The following ALDH8A1 variants were observed in gnomAD, a reference collection of about 807,000 sequenced individuals.
The protein encoded by ALDH8A1 is 2-aminomuconic semialdehyde dehydrogenase.
Under a neutral mutation model 43.3 loss-of-function variants are expected in ALDH8A1, and 39 were observed. The observed-to-expected ratio is 0.90, with a 90% confidence interval of 0.70 to 1.18. The LOEUF is 1.18. Ranked by LOEUF, ALDH8A1 falls within the 50% of genes most tolerant of loss-of-function variation. The pLI, the probability that ALDH8A1 is intolerant of heterozygous loss-of-function variation, is 0.00. For missense variants in ALDH8A1, 605 were observed against 622.6 expected, an observed-to-expected ratio of 0.97 and a Z score of 0.30; for synonymous variants, 233 against 243.5, an observed-to-expected ratio of 0.96 and a Z score of 0.40.
intron 3 of ALDH8A1, among the ~76,000 whole-genome samples, chr6:134,939,937 G>T (rs1773824096): frequency 6.6e-6 from 1 of 152,166 alleles, no homozygotes; most frequent in East Asian, 1.9e-4. Context: ...ATGGATGAAG[G>T]TGGAAGCCAT....
At chr6:134,946,524 T>G (rs931410602) in intron 1 of ALDH8A1, among the ~76,000 whole-genome samples, 2 of 152,244 alleles carry the variant, frequency 1.3e-5, no homozygotes, top group African/African-American at 4.8e-5. Context: ...TAGAAAGCAT[T>G]TACTATATGC....
chr6:134,943,681 G>T, intron 2 of ALDH8A1, 138 bp downstream of exon 2: 1 of 1,325,260 alleles, frequency 7.5e-7, no homozygotes. Context: ...CAGGCCTGGA[G>T]CAGGGGAGGG....
At chr6:134,933,078 A>G (rs750398372) in intron 4 of ALDH8A1, 46 bp from the exon 5 acceptor site, 2 of 1,494,978 alleles carry the variant, frequency 1.3e-6, no homozygotes, top group Non-Finnish European at 1.8e-6. Context: ...AGTATGTTGA[A>G]GAGTTCAAGT....
intron 6 of ALDH8A1, among the ~76,000 whole-genome samples, chr6:134,925,357 G>A (rs780212220): frequency 1.1e-4 from 17 of 152,142 alleles, no homozygotes; most frequent in South Asian, 4.1e-4. Flanking sequence ...CTCCAGGCTC[G>A]GATGGTTTCA....
intron 6 of ALDH8A1, among the ~76,000 whole-genome samples, chr6:134,927,076 T>C (rs1583024593): frequency 6.6e-6 from 1 of 152,098 alleles, no homozygotes; most frequent in Non-Finnish European, 1.5e-5. Flanking sequence ...TGCCTATAGG[T>C]GGGCCTCCAG....
rs570918664 is a variant in ALDH8A1, at chr6:134,932,041, T to A, written c.849+735A>T. Among the ~76,000 whole-genome samples, 8 of 152,348 alleles carry A rather than the reference T, an allele frequency of 5.3e-5. No homozygotes were observed. In the South Asian group the frequency reaches 8.3e-4, roughly 16 times the overall value. On this transcript the variant is annotated intron_variant, in intron 5 of 6. Coordinates refer to ENST00000265605, the MANE Select transcript of ALDH8A1 (RefSeq NM_022568.4). ...TTTTTACTCTCTGTTAAAATAAAAA[T>A]ATCCTTTGAAGAAAATCATCCAGGG...
chr6:134,935,520 A>G (rs1773719541), intron 4 of ALDH8A1, among the ~76,000 whole-genome samples: 1 of 152,236 alleles, frequency 6.6e-6, no homozygotes, highest in Non-Finnish European at 1.5e-5. Context: ...ATATCCAAAA[A>G]GAAAGTCATC....
At position 134,939,429 on chromosome 6, in the gene ALDH8A1, G is replaced by A. The variant is rs759466133; in HGVS notation, c.443-14C>T. ...TGATCAGACCAGCTAAGGGATGAGA[G>A]CAGAAGCACTGCCTGTGACGGCATA... On this transcript the variant is annotated splice_polypyrimidine_tract_variant and intron_variant, in intron 3 of 6. Coordinates refer to ENST00000265605, the MANE Select transcript of ALDH8A1 (RefSeq NM_022568.4). 4.3e-6 allele frequency: 7 copies of A among 1,612,680 alleles called. No individual in the cohort carries two copies. The highest frequency in any genetic ancestry group is 4.5e-5 in the East Asian group (2 of 44,872).
intron 6 of ALDH8A1, among the ~76,000 whole-genome samples, chr6:134,923,632 G>A (rs994801841): frequency 1.3e-5 from 2 of 152,174 alleles, no homozygotes; most frequent in Admixed American, 6.5e-5. Context: ...ATTTAGATAC[G>A]TCCAGGAGAA....
intron 4 of ALDH8A1, among the ~76,000 whole-genome samples, chr6:134,938,090 G>A (rs1366925051): frequency 6.6e-6 from 1 of 152,210 alleles, no homozygotes; most frequent in Non-Finnish European, 1.5e-5. Flanking sequence ...GCGGGAGAGA[G>A]GGACGGACTC....
chr6:134,930,468 A>C (rs1776965033), intron 5 of ALDH8A1, among the ~76,000 whole-genome samples: 1 of 152,240 alleles, frequency 6.6e-6, no homozygotes, highest in African/African-American at 2.4e-5. Flanking sequence ...TTTATGCATG[A>C]AAAGTACAGA....
rs565755864 is a variant in ALDH8A1 at position 134,924,954 on chromosome 6, T to C, written c.1011+4100A>G. On this transcript the variant is annotated intron_variant, in intron 6 of 6. Coordinates refer to ENST00000265605, the MANE Select transcript of ALDH8A1 (RefSeq NM_022568.4). ...ACTAAAATGTAGTATAATAGAAATA[T>C]CTTGGTACCTTTTTAATAAGTTGAT... 3.3e-5 allele frequency among the ~76,000 whole-genome samples: 5 copies of C among 152,316 alleles called. No individual in the cohort carries two copies. In the East Asian group the frequency reaches 9.6e-4, roughly 29 times the overall value.
chr6:134,928,980 T>G (rs1776931495), intron 6 of ALDH8A1, 74 bp downstream of exon 6: 3 of 1,488,974 alleles, frequency 2.0e-6, no homozygotes, highest in Admixed American at 4.3e-5. Flanking sequence ...AGAGTCTGAT[T>G]GTGCTATGCC....
chr6:134,929,646 A>G (rs554592150), intron 5 of ALDH8A1, among the ~76,000 whole-genome samples: 1 of 152,262 alleles, frequency 6.6e-6, no homozygotes, highest in South Asian at 2.1e-4. Context: ...TGCAGCAGGA[A>G]TGAACTGGTG....
rs759027066 is a variant in ALDH8A1, at chr6:134,932,810, A to G, written c.815T>C (p.Ile272Thr). Residue 272 changes from isoleucine (I) to threonine (T), a missense_variant, in exon 5 of 7, where the codon ATT becomes ACT. Physicochemically the swap from Ile to Thr is moderately conservative, Grantham distance 89. Transcript: ENST00000265605. ...IFEDANLDECIPATVRSSFAN... is the reference protein window; with the variant it reads ...IFEDANLDECTPATVRSSFAN... ...AAAGCTGGACCTGACGGTTGCCGGA[A>G]TGCACTCATCCAGGTTGGCGTCCTC... 1 of 1,614,228 alleles carries G rather than the reference A, an allele frequency of 6.2e-7. No individual in the cohort carries two copies. Among genetic ancestry groups the G allele is most frequent in the Admixed American group, 1.7e-5 (1 of 60,022 alleles).
chr6:134,940,902 T>C (rs758073167), intron 3 of ALDH8A1, among the ~76,000 whole-genome samples: 1 of 152,228 alleles, frequency 6.6e-6, no homozygotes, highest in Non-Finnish European at 1.5e-5. Flanking sequence ...CACAATGCCT[T>C]GAAAACATAA....
At chr6:134,937,275 T>G (rs750641571) in intron 4 of ALDH8A1, among the ~76,000 whole-genome samples, 7 of 152,172 alleles carry the variant, frequency 4.6e-5, no homozygotes, top group African/African-American at 1.7e-4. Context: ...CAGAACGAAT[T>G]AGTTATTTTC....
At chr6:134,941,957 C>T (rs1262275341) in intron 3 of ALDH8A1, among the ~76,000 whole-genome samples, 2 of 152,020 alleles carry the variant, frequency 1.3e-5, no homozygotes, top group East Asian at 1.9e-4. Context: ...TGGTGGCTCA[C>T]GCCTGTAATC....
intron 6 of ALDH8A1, among the ~76,000 whole-genome samples, chr6:134,921,187 G>GT (rs1322060148): frequency 2.0e-5 from 3 of 152,122 alleles, no homozygotes; most frequent in African/African-American, 7.2e-5. Flanking sequence ...TGTAGGTCAG[G>GT]TTTTTTATCT....
Sources: allele counts gnomAD v4.1 joint callset (sites outside exome capture counted in the v4.1 genomes callset), GRCh38; gene constraint gnomAD v4.1.1; transcripts MANE v1.5; gene names NCBI Gene and HGNC (gene_info 2026-07-23, HGNC 2026-07-21).